Variants in UNC5D observed in about 807,000 individuals in gnomAD.
The protein encoded by UNC5D is netrin receptor UNC5D.
A neutral mutation model predicts 105.4 loss-of-function variants in UNC5D; 39 were observed. The observed-to-expected ratio is 0.37, with a 90% CI of 0.29 to 0.48. The LOEUF (loss-of-function observed/expected upper bound fraction) is 0.48. Ranked by LOEUF, UNC5D falls within the 20% of genes least tolerant of loss-of-function variation. The pLI, the probability that UNC5D is intolerant of heterozygous loss-of-function variation, is 0.98. For missense variants in UNC5D, 991 were observed against 1,202.4 expected (o/e 0.82, Z 2.60); for synonymous variants, 452 against 450.4 (o/e 1.00, Z -0.04).
intron 11 of UNC5D, among the ~76,000 whole-genome samples, chr8:35,746,380 G>T (rs995792429): frequency 6.6e-6 from 1 of 152,126 alleles, no homozygotes; most frequent in Non-Finnish European, 1.5e-5. Flanking sequence ...GAAAAAAATG[G>T]AGAGATTTTT....
At chr8:35,667,028 G>C (rs1242145171) in intron 4 of UNC5D, among the ~76,000 whole-genome samples, 2 of 152,104 alleles carry the variant, frequency 1.3e-5, no homozygotes, top group Non-Finnish European at 2.9e-5. Context: ...TTGGTTTCTA[G>C]TTAATACATT....
intron 11 of UNC5D, among the ~76,000 whole-genome samples, chr8:35,746,994 T>G (rs1830040454): frequency 6.6e-6 from 1 of 152,190 alleles, no homozygotes; most frequent in Non-Finnish European, 1.5e-5. Flanking sequence ...TACACTGCTT[T>G]CCAGTCCCGC....
intron 1 of UNC5D, among the ~76,000 whole-genome samples, chr8:35,296,057 A>G (rs763339264): frequency 2.0e-5 from 3 of 152,154 alleles, no homozygotes; most frequent in Non-Finnish European, 2.9e-5. Flanking sequence ...ACAGTTCTTA[A>G]TCCATTCATC....
chr8:35,674,760 C>T (rs941932677), intron 4 of UNC5D, among the ~76,000 whole-genome samples: 2 of 152,186 alleles, frequency 1.3e-5, no homozygotes, highest in Non-Finnish European at 2.9e-5. Context: ...CTGTCCCTGC[C>T]TCATGTCCTT....
intron 4 of UNC5D, among the ~76,000 whole-genome samples, chr8:35,626,836 C>G (rs536219357): frequency 6.7e-6 from 1 of 150,028 alleles, no homozygotes; most frequent in Non-Finnish European, 1.5e-5. Context: ...CTTGCTGATA[C>G]TTTTTTTTTT....
chr8:35,598,198 G>C (rs1407419615), intron 4 of UNC5D, among the ~76,000 whole-genome samples: 1 of 152,040 alleles, frequency 6.6e-6, no homozygotes, highest in East Asian at 1.9e-4. Context: ...CTTTATCCCA[G>C]CAATTTATCC....
chr8:35,305,631 C>CTTTCTTTTTCTT (rs1563297986), intron 1 of UNC5D, among the ~76,000 whole-genome samples: 6 of 87,856 alleles, frequency 6.8e-5, no homozygotes, highest in African/African-American at 3.0e-4. Flanking sequence ...CTTTTTCTTT[C>CTTTCTTTTTCTT]TCTCTCTCTC....
intron 16 of UNC5D, among the ~76,000 whole-genome samples, chr8:35,781,051 G>A (rs1802480730): frequency 6.6e-6 from 1 of 152,190 alleles, no homozygotes; most frequent in Middle Eastern, 3.4e-3. Context: ...TTATACATCG[G>A]TCCTTGTAGT....
intron 4 of UNC5D, among the ~76,000 whole-genome samples, chr8:35,636,387 G>A (rs932794345): frequency 4.6e-5 from 7 of 152,026 alleles, no homozygotes; most frequent in South Asian, 2.1e-4. Flanking sequence ...TATTTGTCCC[G>A]GAGGCTATCC....
intron 1 of UNC5D, among the ~76,000 whole-genome samples, chr8:35,264,692 T>G (rs1051937633): frequency 2.0e-5 from 3 of 148,508 alleles, no homozygotes; most frequent in Non-Finnish European, 4.4e-5. Context: ...ATCATGCCAC[T>G]GCACTCCAGC....
chr8:35,651,737 T>C (rs1347642292), intron 4 of UNC5D, among the ~76,000 whole-genome samples: 2 of 152,200 alleles, frequency 1.3e-5, no homozygotes, highest in African/African-American at 2.4e-5. Flanking sequence ...TGTCTAGTTT[T>C]GAATTTTGTA....
rs558241965 is a variant in UNC5D at position 35,413,028 on chromosome 8, T to C, written c.104-136264T>C. On this transcript the variant is annotated intron_variant, in intron 1 of 16. Coordinates refer to ENST00000404895, the MANE Select transcript of UNC5D (RefSeq NM_080872.4). ...TGGTTCTATTGAATTTCACTGTCAA[T>C]TCAGTTTCTTGTTTACGCTGACAGG... Among the ~76,000 whole-genome samples, 5 of 152,212 alleles carry C rather than the reference T, an allele frequency of 3.3e-5. No individual in the cohort carries two copies. In the South Asian group the frequency reaches 1.0e-3, roughly 32 times the overall value.
intron 1 of UNC5D, chr8:35,544,591 T>C: frequency 2.0e-6 from 3 of 1,499,232 alleles, no homozygotes; most frequent in Admixed American, 2.4e-5. Flanking sequence ...ATTCTTTCGT[T>C]TTCGTTTTTT....
intron 1 of UNC5D, among the ~76,000 whole-genome samples, chr8:35,337,823 G>A (rs1422820987): frequency 6.6e-6 from 1 of 151,396 alleles, no homozygotes; most frequent in Non-Finnish European, 1.5e-5. Context: ...TTCTAAAGTG[G>A]TAATCATATT....
At chr8:35,613,454 A>G (rs1820825985) in intron 4 of UNC5D, among the ~76,000 whole-genome samples, 1 of 152,212 alleles carries the variant, frequency 6.6e-6, no homozygotes, top group South Asian at 2.1e-4. Context: ...CTGGCCAATT[A>G]GCAGCCTCAC....
chr8:35,773,763 C>T (rs1802110125), intron 15 of UNC5D, among the ~76,000 whole-genome samples: 1 of 152,150 alleles, frequency 6.6e-6, no homozygotes, highest in Non-Finnish European at 1.5e-5. Flanking sequence ...GCTCTTGTTG[C>T]CCAGGCTAGA....
At chr8:35,677,471 T>A (rs995786826) in intron 4 of UNC5D, among the ~76,000 whole-genome samples, 4 of 152,106 alleles carry the variant, frequency 2.6e-5, no homozygotes, top group Non-Finnish European at 2.9e-5. Context: ...GTAGAGAATT[T>A]TTTTTTCCTA....
chr8:35,684,796 A>G lies in UNC5D; in HGVS notation c.919+47A>G, dbSNP rs74703478. On this transcript the variant is annotated intron_variant, in intron 6 of 16. Coordinates refer to ENST00000404895, the MANE Select transcript of UNC5D (RefSeq NM_080872.4). ...TTTTCCCTTCTGATCCACCAACACT[A>G]TTAAGCTGGTGTGAAACAATCAATG... 7,052 of 1,541,146 alleles carry G rather than the reference A, an allele frequency of 4.6e-3. 28 individuals are homozygous for G. Among genetic ancestry groups the G allele is most frequent in the Non-Finnish European group, 5.7e-3 (6,547 of 1,143,532 alleles).
intron 1 of UNC5D, among the ~76,000 whole-genome samples, chr8:35,541,545 G>A (rs558872119): frequency 2.6e-5 from 4 of 152,152 alleles, no homozygotes; most frequent in African/African-American, 2.4e-5. Flanking sequence ...TGGCATGCCC[G>A]CTGTTGGGCT....
Sources: allele counts gnomAD v4.1 joint callset (sites outside exome capture counted in the v4.1 genomes callset), GRCh38; gene constraint gnomAD v4.1.1; transcripts MANE v1.5; gene names NCBI Gene and HGNC (gene_info 2026-07-23, HGNC 2026-07-21).